The following GPC5 variants were observed in gnomAD, a reference collection of about 807,000 sequenced individuals.
GPC5 encodes the protein glypican-5.
GPC5 carries 47 observed loss-of-function variants against 53.9 expected under a neutral mutation model. That is an observed-to-expected ratio of 0.87 (90% CI 0.69 to 1.11). The LOEUF (loss-of-function observed/expected upper bound fraction) is 1.11. Among genes scored for constraint, GPC5 ranks in the 50% most tolerant of loss-of-function variants. The pLI is 0.00. For missense variants in GPC5, 748 were observed against 713.1 expected (o/e 1.05, Z -0.56); for synonymous variants, 286 against 263.3 (o/e 1.09, Z -0.84).
intron 6 of GPC5, among the ~76,000 whole-genome samples, chr13:92,075,867 A>C (rs2041247663): frequency 6.6e-6 from 1 of 152,212 alleles, no homozygotes; most frequent in Admixed American, 6.5e-5. Flanking sequence ...CAATCAATAA[A>C]ATTAATTAAG....
intron 5 of GPC5, among the ~76,000 whole-genome samples, chr13:91,789,873 A>G (rs2037937502): frequency 1.3e-5 from 2 of 152,206 alleles, no homozygotes; most frequent in South Asian, 4.1e-4. Flanking sequence ...CTTCGTGCTC[A>G]GTCAAACAAA....
At chr13:92,295,064 A>C (rs1191468124) in intron 7 of GPC5, among the ~76,000 whole-genome samples, 1 of 151,830 alleles carries the variant, frequency 6.6e-6, no homozygotes, top group South Asian at 2.1e-4. Context: ...TCCTGTCCTC[A>C]GGTGATATAC....
chr13:92,524,979 G>C (rs1881217136), intron 7 of GPC5, among the ~76,000 whole-genome samples: 1 of 152,008 alleles, frequency 6.6e-6, no homozygotes, highest in Non-Finnish European at 1.5e-5. Context: ...TAAGTGTATT[G>C]AAAAATAAAG....
intron 5 of GPC5, among the ~76,000 whole-genome samples, chr13:91,877,181 G>T (rs548982304): frequency 6.6e-6 from 1 of 152,362 alleles, no homozygotes; most frequent in South Asian, 2.1e-4. Flanking sequence ...CCAGGGCAGT[G>T]TGGAAGGGAA....
chr13:92,425,727 G>A (rs1405150389), intron 7 of GPC5, among the ~76,000 whole-genome samples: 1 of 151,900 alleles, frequency 6.6e-6, no homozygotes, highest in African/African-American at 2.4e-5. Flanking sequence ...GTGCCTCTTG[G>A]CTCCTCACTA....
At chr13:92,839,717 A>G (rs1013055269) in intron 7 of GPC5, among the ~76,000 whole-genome samples, 1 of 151,130 alleles carries the variant, frequency 6.6e-6, no homozygotes, top group Non-Finnish European at 1.5e-5. Flanking sequence ...GGTTTTTTGG[A>G]AAAAAAAATA....
intron 2 of GPC5, among the ~76,000 whole-genome samples, chr13:91,671,430 C>G (rs1475246215): frequency 3.9e-5 from 6 of 151,914 alleles, no homozygotes; most frequent in African/African-American, 1.5e-4. Flanking sequence ...GATTTTGTAT[C>G]CTGAGACTTT....
chr13:92,040,405 C>T (rs1398412570), intron 6 of GPC5, among the ~76,000 whole-genome samples: 1 of 152,216 alleles, frequency 6.6e-6, no homozygotes, highest in Non-Finnish European at 1.5e-5. Flanking sequence ...GCACCCTGAG[C>T]TGTAGGGAGT....
intron 2 of GPC5, among the ~76,000 whole-genome samples, chr13:91,617,249 T>C (rs1446478017): frequency 1.3e-5 from 2 of 152,138 alleles, no homozygotes; most frequent in African/African-American, 4.8e-5. Context: ...TGGCTATGTA[T>C]GAGAGTGAAA....
chr13:91,729,665 A>G (rs1338264888), intron 4 of GPC5, among the ~76,000 whole-genome samples: 1 of 152,168 alleles, frequency 6.6e-6, no homozygotes, highest in East Asian at 1.9e-4. Flanking sequence ...AAGAATTAGC[A>G]TTTTATTTTA....
At chr13:92,530,167 A>G (rs1881504312) in intron 7 of GPC5, among the ~76,000 whole-genome samples, 3 of 152,182 alleles carry the variant, frequency 2.0e-5, no homozygotes, top group Admixed American at 6.5e-5. Flanking sequence ...ATTACTGGAG[A>G]ATTTATAGAA....
At chr13:92,845,130 A>G (rs1878568469) in intron 7 of GPC5, among the ~76,000 whole-genome samples, 1 of 152,062 alleles carries the variant, frequency 6.6e-6, no homozygotes, top group Admixed American at 6.6e-5. Flanking sequence ...ATTGTGATCT[A>G]TAAGGGAAAA....
At chr13:91,479,723 T>C (rs1374338544) in intron 2 of GPC5, among the ~76,000 whole-genome samples, 1 of 152,132 alleles carries the variant, frequency 6.6e-6, no homozygotes, top group Non-Finnish European at 1.5e-5. Flanking sequence ...AGACATTGAA[T>C]TAAATAGAAT....
chr13:92,303,518 C>G (rs532087260), intron 7 of GPC5, among the ~76,000 whole-genome samples: 1 of 151,784 alleles, frequency 6.6e-6, no homozygotes, highest in Admixed American at 6.6e-5. Context: ...ATCTCTGTGG[C>G]CAGAGAGAAT....
chr13:92,356,657 G>T (rs988872594), intron 7 of GPC5, among the ~76,000 whole-genome samples: 1 of 152,064 alleles, frequency 6.6e-6, no homozygotes, highest in African/African-American at 2.4e-5. Flanking sequence ...ATTAGAAGGA[G>T]GGAAATGTCA....
At chr13:91,681,481 G>A (rs1264795049) in intron 2 of GPC5, among the ~76,000 whole-genome samples, 1 of 152,126 alleles carries the variant, frequency 6.6e-6, no homozygotes, top group Non-Finnish European at 1.5e-5. Context: ...ATCATTCCTA[G>A]TGGAATTTAT....
intron 7 of GPC5, among the ~76,000 whole-genome samples, chr13:92,401,421 C>T (rs1031061519): frequency 2.6e-5 from 4 of 151,868 alleles, no homozygotes; most frequent in East Asian, 1.9e-4. Context: ...TACTTCAATT[C>T]GATAAAACCA....
chr13:92,091,270 T>G (rs556347358), intron 6 of GPC5, among the ~76,000 whole-genome samples: 1 of 152,124 alleles, frequency 6.6e-6, no homozygotes, highest in Admixed American at 6.6e-5. Context: ...TAAGTGATAA[T>G]TTTCTCATTA....
At chr13:91,655,817 G>A (rs2034831781) in intron 2 of GPC5, among the ~76,000 whole-genome samples, 1 of 152,100 alleles carries the variant, frequency 6.6e-6, no homozygotes, top group Admixed American at 6.6e-5. Context: ...ATTGCCAAAT[G>A]TAGATACCTG....
Sources: allele counts gnomAD v4.1 joint callset (sites outside exome capture counted in the v4.1 genomes callset), GRCh38; gene constraint gnomAD v4.1.1; transcripts MANE v1.5; gene names NCBI Gene and HGNC (gene_info 2026-07-23, HGNC 2026-07-21).